Variants in DDX4 observed in about 807,000 individuals in gnomAD.
DDX4 encodes probable ATP-dependent RNA helicase DDX4.
A neutral mutation model predicts 100.0 loss-of-function variants in DDX4; 25 were observed. The ratio of observed to expected loss-of-function variants is 0.25; its 90% CI spans 0.18 to 0.35. The LOEUF (loss-of-function observed/expected upper bound fraction) is 0.35, where lower values mean the gene tolerates loss of function less well. DDX4 is among the 10% of genes least tolerant of loss of function. The probability of loss-of-function intolerance (pLI) is 1.00; values close to 1 mark genes in which losing one functional copy is unlikely to be tolerated. For missense variants in DDX4, 635 were observed against 882.4 expected, an observed-to-expected ratio of 0.72 and a Z score of 3.55; for synonymous variants, 259 against 275.7, an observed-to-expected ratio of 0.94 and a Z score of 0.60.
chr5:55,738,662 A>G (rs961330750), intron 1 of DDX4, among the ~76,000 whole-genome samples: 1 of 152,166 alleles, frequency 6.6e-6, no homozygotes, highest in African/African-American at 2.4e-5. Flanking sequence ...GAGGAGATAA[A>G]GTCTATGAAC....
intron 10 of DDX4, 71 bp from the exon 11 acceptor site, chr5:55,785,226 C>A: frequency 9.6e-7 from 1 of 1,038,986 alleles, no homozygotes; most frequent in Non-Finnish European, 1.5e-6. Context: ...TCTTTGAAGA[C>A]AAGCAACGAA....
At chr5:55,763,017 T>C (rs1472036597) in intron 4 of DDX4, among the ~76,000 whole-genome samples, 158 bp from the exon 5 acceptor site, 1 of 152,166 alleles carries the variant, frequency 6.6e-6, no homozygotes, top group East Asian at 1.9e-4. Context: ...AGTTTTTCTT[T>C]TAAGTTGCAG....
intron 4 of DDX4, 144 bp from the exon 5 acceptor site, chr5:55,763,031 T>G (rs1486943099): frequency 1.8e-6 from 1 of 542,032 alleles, no homozygotes; most frequent in East Asian, 2.9e-5. Context: ...GTTGCAGGTA[T>G]ATTAATTAAT....
At chr5:55,780,166 G>A in intron 8 of DDX4, 101 bp downstream of exon 8, 1 of 1,508,282 alleles carries the variant, frequency 6.6e-7, no homozygotes, top group Non-Finnish European at 8.9e-7. Flanking sequence ...GATTATATGA[G>A]AATAGCTTAG....
chr5:55,757,887 A>G (rs1208886803), intron 3 of DDX4, among the ~76,000 whole-genome samples: 3 of 152,156 alleles, frequency 2.0e-5, no homozygotes, highest in African/African-American at 4.8e-5. Context: ...CTACAAAAAA[A>G]TAAAAAAATT....
intron 3 of DDX4, among the ~76,000 whole-genome samples, chr5:55,749,758 A>AT (rs970541702): frequency 3.4e-5 from 5 of 145,800 alleles, no homozygotes; most frequent in Non-Finnish European, 6.0e-5. Context: ...AGTTTTAGGG[A>AT]TTTTTTGCCC....
At chr5:55,794,995 C>T (rs527509019) in intron 17 of DDX4, among the ~76,000 whole-genome samples, 117 of 143,404 alleles carry the variant, frequency 8.2e-4, no homozygotes, top group African/African-American at 3.0e-3. Context: ...GACAGAGTTT[C>T]GCTCTTGTTG....
At chr5:55,756,588 T>A (rs953712224) in intron 3 of DDX4, among the ~76,000 whole-genome samples, 4 of 152,192 alleles carry the variant, frequency 2.6e-5, no homozygotes, top group African/African-American at 9.7e-5. Flanking sequence ...GAGCGCATAC[T>A]GAAGTCTCAT....
chr5:55,769,295 C>T (rs374909604), intron 7 of DDX4, among the ~76,000 whole-genome samples: 5 of 152,038 alleles, frequency 3.3e-5, no homozygotes, highest in South Asian at 2.1e-4. Flanking sequence ...TTTTTGTATG[C>T]GGTCTAAGGA....
intron 10 of DDX4, among the ~76,000 whole-genome samples, chr5:55,784,394 G>A (rs370364951): frequency 3.1e-4 from 47 of 152,070 alleles, no homozygotes; most frequent in Non-Finnish European, 5.6e-4. Flanking sequence ...GATGAGGGTC[G>A]ATCTTCTTAC....
intron 3 of DDX4, among the ~76,000 whole-genome samples, chr5:55,750,658 G>A (rs1188491739): frequency 6.6e-6 from 1 of 152,096 alleles, no homozygotes; most frequent in Non-Finnish European, 1.5e-5. Flanking sequence ...TTGAAGGCAG[G>A]CTAGAGGCTG....
At chr5:55,770,136 G>C (rs890224929) in intron 7 of DDX4, among the ~76,000 whole-genome samples, 2 of 152,082 alleles carry the variant, frequency 1.3e-5, no homozygotes, top group Non-Finnish European at 2.9e-5. Context: ...AAAGTGCTGG[G>C]ATTACCGGCA....
intron 3 of DDX4, among the ~76,000 whole-genome samples, chr5:55,749,829 A>G (rs1357989276): frequency 6.9e-6 from 1 of 144,862 alleles, no homozygotes; most frequent in Non-Finnish European, 1.5e-5. Context: ...TTTTTTTCCC[A>G]GAAAACTTTT....
intron 3 of DDX4, among the ~76,000 whole-genome samples, chr5:55,755,628 C>T (rs908536320): frequency 3.9e-5 from 6 of 151,986 alleles, no homozygotes; most frequent in Admixed American, 3.3e-4. Context: ...TCATGTTTTC[C>T]AGTAAGCTCC....
At chr5:55,759,081 C>G (rs3843459) in intron 3 of DDX4, among the ~76,000 whole-genome samples, 60,771 of 151,272 alleles carry the variant, frequency 0.4, 13,559 homozygotes, top group African/African-American at 0.58. Flanking sequence ...GGTAGAGATA[C>G]TGTCTTGCTA....
intron 6 of DDX4, among the ~76,000 whole-genome samples, chr5:55,765,960 A>C (rs887837596): frequency 6.9e-5 from 10 of 145,632 alleles, no homozygotes; most frequent in African/African-American, 2.3e-4. Context: ...GCCCGCCATC[A>C]CGCCCGACTA....
chr5:55,809,799 A>T (rs958061535), intron 18 of DDX4, among the ~76,000 whole-genome samples: 5 of 152,220 alleles, frequency 3.3e-5, no homozygotes, highest in Non-Finnish European at 7.3e-5. Context: ...ACTGAAGAAG[A>T]TGTTAGATTC....
chr5:55,812,430 G>A (rs1744172835), intron 18 of DDX4, among the ~76,000 whole-genome samples: 1 of 152,154 alleles, frequency 6.6e-6, no homozygotes, highest in Non-Finnish European at 1.5e-5. Flanking sequence ...TGGGTGTGGT[G>A]GCAGGTGCCT....
intron 18 of DDX4, among the ~76,000 whole-genome samples, chr5:55,809,067 G>A (rs1037207590): frequency 6.6e-6 from 1 of 152,194 alleles, no homozygotes; most frequent in African/African-American, 2.4e-5. Context: ...ATCTCAGACT[G>A]CTGTGCTAGC....
Sources: gnomAD v4.1 joint callset for allele counts (sites outside exome capture counted in the v4.1 genomes callset) on GRCh38, gnomAD v4.1.1 for gene constraint, MANE v1.5 for transcripts, NCBI Gene and HGNC (gene_info 2026-07-23, HGNC 2026-07-21) for gene names.